Variants in MICU2 observed in about 807,000 individuals in gnomAD.
MICU2 encodes the protein mitochondrial calcium uptake 2.
A neutral mutation model predicts 60.4 loss-of-function variants in MICU2; 64 were observed. That is an observed-to-expected ratio of 1.06 (90% CI 0.87 to 1.31). MICU2 has a LOEUF of 1.31. Among genes scored for constraint, MICU2 ranks in the 50% most tolerant of loss-of-function variants. The pLI, the probability that MICU2 is intolerant of heterozygous loss-of-function variation, is 0.00. For synonymous variants in MICU2, 201 were observed against 175.0 expected (o/e 1.15, Z -1.17); for missense variants, 569 against 531.0 (o/e 1.07, Z -0.70).
At chr13:21,495,948 T>G in intron 10 of MICU2, 104 bp downstream of exon 10, 1 of 742,634 alleles carries the variant, frequency 1.3e-6, no homozygotes, top group Admixed American at 2.9e-5. Context: ...GTCAATCAAC[T>G]ATTTTTACTT....
intron 6 of MICU2, among the ~76,000 whole-genome samples, chr13:21,516,904 C>T (rs938320464): frequency 1.3e-4 from 20 of 152,138 alleles, no homozygotes; most frequent in African/African-American, 4.3e-4. Flanking sequence ...AAGGAGCAAC[C>T]GATACTAGGA....
intron 2 of MICU2, among the ~76,000 whole-genome samples, chr13:21,563,312 G>C (rs1036477866): frequency 6.6e-6 from 1 of 151,952 alleles, no homozygotes; most frequent in Non-Finnish European, 1.5e-5. Context: ...AAAATTAGTC[G>C]GGCGTGGTGG....
At chr13:21,545,699 G>C (rs1417029180) in intron 2 of MICU2, among the ~76,000 whole-genome samples, 1 of 151,852 alleles carries the variant, frequency 6.6e-6, no homozygotes, top group African/African-American at 2.4e-5. Flanking sequence ...TGATATCATA[G>C]AAGTAGAAAG....
At position 21,495,336 on chromosome 13, in the gene MICU2, A is replaced by G. The variant is rs1238979978; in HGVS notation, c.1043-18T>C. 6.4e-7 allele frequency: 1 copy of G among 1,569,222 alleles called. No homozygotes were observed. The highest frequency in any genetic ancestry group is 2.3e-5 in the East Asian group (1 of 44,370). On this transcript the variant is annotated intron_variant, in intron 10 of 11. Transcript: ENST00000382374. ...AAACTCCGCTAAAAAACAAACATAA[A>G]ACAACTTATCAACTATGTGAAATAG... is the stretch of plus-strand genomic sequence containing the variant.
intron 2 of MICU2, among the ~76,000 whole-genome samples, chr13:21,553,663 G>C (rs1049187014): frequency 5.3e-5 from 8 of 152,060 alleles, no homozygotes; most frequent in African/African-American, 1.9e-4. Context: ...ATAATGACAG[G>C]ATCAAATTCA....
chr13:21,521,379 T>G, intron 5 of MICU2, 52 bp from the exon 6 acceptor site: 1 of 1,465,048 alleles, frequency 6.8e-7, no homozygotes, highest in Non-Finnish European at 9.4e-7. Context: ...ACCAAGTTAT[T>G]TGTAGATAGA....
intron 2 of MICU2, among the ~76,000 whole-genome samples, chr13:21,560,645 C>T (rs1341746497): frequency 2.0e-5 from 3 of 150,644 alleles, no homozygotes; most frequent in African/African-American, 4.9e-5. Context: ...CACACACACA[C>T]GTGTGCATAC....
At chr13:21,517,804 C>CAT (rs994485861) in intron 6 of MICU2, among the ~76,000 whole-genome samples, 1 of 43,406 alleles carries the variant, frequency 2.3e-5, no homozygotes, top group Non-Finnish European at 6.1e-5. Flanking sequence ...CACACACGCG[C>CAT]GCGCGCGCGC....
intron 4 of MICU2, among the ~76,000 whole-genome samples, chr13:21,536,200 T>C (rs1246733162): frequency 6.6e-6 from 1 of 152,188 alleles, no homozygotes; most frequent in Non-Finnish European, 1.5e-5. Context: ...TAAATATTGA[T>C]ACAGAATGTA....
At chr13:21,562,035 A>G (rs1887858060) in intron 2 of MICU2, among the ~76,000 whole-genome samples, 1 of 151,166 alleles carries the variant, frequency 6.6e-6, no homozygotes. Context: ...TACAAAGGAC[A>G]TGAACTCATC....
rs551737654 is a variant in MICU2, at chr13:21,540,904, G to A, written c.359-1216C>T. On this transcript the variant is annotated intron_variant, in intron 2 of 11. Transcript: ENST00000382374. ...CTGATAATGAACTCCAAAAAACTGT[G>A]TAATACATGTATTTACTTATCTTTA... 2.0e-5 allele frequency among the ~76,000 whole-genome samples: 3 copies of A among 152,128 alleles called. No individual in the cohort carries two copies. In the South Asian group the frequency reaches 6.2e-4, roughly 32 times the overall value.
At chr13:21,547,173 C>T (rs937815656) in intron 2 of MICU2, among the ~76,000 whole-genome samples, 2 of 152,136 alleles carry the variant, frequency 1.3e-5, no homozygotes, top group African/African-American at 4.8e-5. Flanking sequence ...CTCTACTGCA[C>T]ATGCTCTATG....
chr13:21,534,976 G>C (rs962891395), intron 4 of MICU2, among the ~76,000 whole-genome samples: 5 of 152,160 alleles, frequency 3.3e-5, no homozygotes, highest in Non-Finnish European at 2.9e-5. Flanking sequence ...GGCAGCACTT[G>C]AGGCACTACC....
intron 1 of MICU2, among the ~76,000 whole-genome samples, chr13:21,589,048 C>G (rs751991491): frequency 6.6e-6 from 1 of 152,092 alleles, no homozygotes; most frequent in Non-Finnish European, 1.5e-5. Flanking sequence ...AATAAGATAG[C>G]CTTAGACATG....
chr13:21,545,815 A>G (rs1430432984), intron 2 of MICU2, among the ~76,000 whole-genome samples: 1 of 151,074 alleles, frequency 6.6e-6, no homozygotes, highest in Non-Finnish European at 1.5e-5. Flanking sequence ...GCAAAGTTCT[A>G]GTGTTCTATA....
chr13:21,584,055 G>C (rs142685823), intron 1 of MICU2, among the ~76,000 whole-genome samples: 2 of 152,128 alleles, frequency 1.3e-5, no homozygotes, highest in Non-Finnish European at 2.9e-5. Flanking sequence ...GAAACACATT[G>C]TGCTTTCATA....
intron 4 of MICU2, among the ~76,000 whole-genome samples, chr13:21,536,836 A>G (rs777220627): frequency 1.3e-5 from 2 of 152,378 alleles, no homozygotes; most frequent in Non-Finnish European, 1.5e-5. Flanking sequence ...TTATAAAATA[A>G]GAGTGGTCCA....
intron 9 of MICU2, among the ~76,000 whole-genome samples, chr13:21,500,391 C>T (rs1886116352): frequency 1.3e-5 from 2 of 150,864 alleles, no homozygotes; most frequent in Admixed American, 1.3e-4. Context: ...AAATCTCAGA[C>T]CGTTTAAAGT....
In MICU2 at chr13:21,558,185, G is replaced by GC. The variant is rs1347431340; in HGVS notation, c.358+8611dup. Among the ~76,000 whole-genome samples the GC allele has an allele frequency of 2.0e-5, 3 of 152,092 alleles. No homozygotes were observed. In the South Asian group the frequency reaches 6.2e-4, roughly 32 times the overall value. On this transcript the variant is annotated intron_variant, in intron 2 of 11. Coordinates refer to ENST00000382374, the MANE Select transcript of MICU2 (RefSeq NM_152726.3). The stretch of plus-strand genomic sequence containing the variant: ...CTGGATTATTTTAATGAAGACTATC[G>GC]CCCCCCAGTGTTAAGCCTCTGATGT...
Sources: allele counts gnomAD v4.1 joint callset (sites outside exome capture counted in the v4.1 genomes callset), GRCh38; gene constraint gnomAD v4.1.1; transcripts MANE v1.5; gene names NCBI Gene and HGNC (gene_info 2026-07-23, HGNC 2026-07-21).